The following CTCF variants were observed in gnomAD, a reference collection of about 807,000 sequenced individuals.
CTCF encodes CCCTC-binding factor.
Under a neutral mutation model 72.3 loss-of-function variants are expected in CTCF, and 7 were observed. The ratio of observed to expected loss-of-function variants is 0.10; its 90% CI spans 0.06 to 0.18. The LOEUF (loss-of-function observed/expected upper bound fraction) is 0.18, where lower values mean the gene tolerates loss of function less well. Among genes scored for constraint, CTCF ranks in the 10% least tolerant of loss-of-function variants. CTCF has a pLI of 1.00. For missense variants in CTCF, 516 were observed against 949.1 expected (o/e 0.54, Z 6.00); for synonymous variants, 374 against 315.8 (o/e 1.18, Z -1.95).
chr16:67,562,640 G>T lies in CTCF; in HGVS notation c.-211G>T. On this transcript the variant is annotated 5_prime_UTR_variant, in exon 1 of 12. Transcript: ENST00000264010. ...AGCGGCGGCGGCGGTGGCCGGTGCG[G>T]ACGCGCGGAGCTCGCCGGAGACGCC... is the stretch of plus-strand genomic sequence containing the variant. The T allele has an allele frequency of 6.5e-6, 1 of 153,120 alleles. No homozygotes were observed. Among genetic ancestry groups the T allele is most frequent in the South Asian group, 1.8e-4 (1 of 5,580 alleles). 9.5% of individuals were successfully genotyped at this position (153,120 alleles called of 1,614,324 possible). A position where few individuals can be genotyped will look rare whatever the true frequency, so the allele number is the denominator to read the frequency against.
intron 2 of CTCF, among the ~76,000 whole-genome samples, chr16:67,608,960 C>G (rs1176677796): frequency 2.0e-5 from 3 of 151,438 alleles, no homozygotes; most frequent in Non-Finnish European, 2.9e-5. Flanking sequence ...AGGGTGGTCT[C>G]GTACTCCCGA....
chr16:67,570,238 G>A (rs893999074), intron 1 of CTCF, among the ~76,000 whole-genome samples: 2 of 151,704 alleles, frequency 1.3e-5, no homozygotes. Flanking sequence ...CACCACACCC[G>A]GCTAATTTTT....
intron 1 of CTCF, among the ~76,000 whole-genome samples, chr16:67,566,356 T>G (rs2051342712): frequency 1.3e-5 from 2 of 151,028 alleles, no homozygotes; most frequent in African/African-American, 4.9e-5. Context: ...ACACAAAAAT[T>G]AGCTGAGCGT....
rs200004634 is a variant in CTCF, at chr16:67,621,608, G to A, written c.1357+17G>A. On this transcript the variant is annotated intron_variant, in intron 7 of 11. Coordinates refer to ENST00000264010, the MANE Select transcript of CTCF (RefSeq NM_006565.4). The stretch of plus-strand genomic sequence containing the variant: ...GTGATTTGGGTAAGTAGATTAACTA[G>A]TGAGAAGTGAAAAAAATATTTTGAA... 6.4e-6 allele frequency: 10 copies of A among 1,562,296 alleles called. No homozygotes were observed. Among genetic ancestry groups the A allele is most frequent in the South Asian group, 1.1e-5 (1 of 87,260 alleles).
chr16:67,568,087 T>C (rs904923225), intron 1 of CTCF: 2 of 151,296 alleles, frequency 1.3e-5, no homozygotes, highest in African/African-American at 4.9e-5. Flanking sequence ...CGTGTATATA[T>C]ATATATTTTT....
chr16:67,618,942 C>T (rs1331084369), intron 5 of CTCF, among the ~76,000 whole-genome samples: 1 of 152,132 alleles, frequency 6.6e-6, no homozygotes, highest in Non-Finnish European at 1.5e-5. Flanking sequence ...GAATGAGGGG[C>T]TTGTGCCATT....
At chr16:67,564,040 C>T (rs1198656279) in intron 1 of CTCF, 2 of 152,194 alleles carry the variant, frequency 1.3e-5, no homozygotes, top group Non-Finnish European at 2.9e-5. Context: ...CTTCCTGTAG[C>T]CCCGAGTTCA....
At chr16:67,579,626 C>G (rs191843438) in intron 2 of CTCF, among the ~76,000 whole-genome samples, 4 of 152,226 alleles carry the variant, frequency 2.6e-5, no homozygotes, top group South Asian at 2.1e-4. Flanking sequence ...CCCAATTGCC[C>G]TGGCCTCCCA....
chr16:67,573,687 C>G (rs954006147), intron 2 of CTCF, among the ~76,000 whole-genome samples: 5 of 151,696 alleles, frequency 3.3e-5, no homozygotes, highest in Admixed American at 1.3e-4. Flanking sequence ...GAAAAACTCT[C>G]AAGCCCAGGT....
chr16:67,616,394 G>A, intron 4 of CTCF: 1 of 196,770 alleles, frequency 5.1e-6, no homozygotes, highest in South Asian at 1.0e-4. Flanking sequence ...AGAGTTCTGG[G>A]ATTAGAGGCA....
At chr16:67,631,746 G>T (rs2052368834) in intron 10 of CTCF, among the ~76,000 whole-genome samples, 1 of 123,200 alleles carries the variant, frequency 8.1e-6, no homozygotes, top group African/African-American at 3.2e-5. Context: ...ATCTTCTTCA[G>T]TCACTGGGTG....
chr16:67,617,979 G>A (rs2052154923), intron 5 of CTCF, among the ~76,000 whole-genome samples: 2 of 152,208 alleles, frequency 1.3e-5, no homozygotes, highest in South Asian at 4.1e-4. Flanking sequence ...GGAAATTGCT[G>A]ATGTATATTA....
intron 7 of CTCF, among the ~76,000 whole-genome samples, chr16:67,622,342 C>G (rs1282896561): frequency 6.6e-6 from 1 of 150,624 alleles, no homozygotes; most frequent in Admixed American, 6.6e-5. Context: ...GGTGACAGAG[C>G]GCGACTCTGT....
intron 2 of CTCF, among the ~76,000 whole-genome samples, chr16:67,582,493 G>T (rs1252929454): frequency 6.6e-6 from 1 of 152,060 alleles, no homozygotes; most frequent in Non-Finnish European, 1.5e-5. Flanking sequence ...AGGAGTTTAA[G>T]ACCAGCTTGG....
intron 2 of CTCF, among the ~76,000 whole-genome samples, chr16:67,576,714 T>C (rs2051502769): frequency 6.6e-6 from 1 of 152,048 alleles, no homozygotes; most frequent in Non-Finnish European, 1.5e-5. Flanking sequence ...GTGTTTTTAG[T>C]AGAGATGGGG....
chr16:67,591,130 G>A (rs1422410666), intron 2 of CTCF, among the ~76,000 whole-genome samples: 1 of 151,210 alleles, frequency 6.6e-6, no homozygotes, highest in South Asian at 2.1e-4. Context: ...CCATCTCTAC[G>A]AAAAATACAA....
intron 2 of CTCF, among the ~76,000 whole-genome samples, chr16:67,601,690 T>C (rs898875764): frequency 1.3e-5 from 2 of 152,116 alleles, no homozygotes; most frequent in Non-Finnish European, 2.9e-5. Flanking sequence ...GAGTAGATGC[T>C]GTTGTTTTGT....
intron 2 of CTCF, among the ~76,000 whole-genome samples, chr16:67,582,309 TC>T (rs1475728503): frequency 6.6e-6 from 1 of 152,194 alleles, no homozygotes; most frequent in South Asian, 2.1e-4. Flanking sequence ...TCTGAACTGT[TC>T]CTTTGGGCAT....
chr16:67,633,781 GAC>G (rs10587869), intron 10 of CTCF, among the ~76,000 whole-genome samples: 19,326 of 142,612 alleles, frequency 0.14, 1,535 homozygotes, highest in African/African-American at 0.24. Flanking sequence ...CTTGTCCCCT[GAC>G]ACACACACAC....
Sources: allele counts gnomAD v4.1 joint callset (sites outside exome capture counted in the v4.1 genomes callset), GRCh38; gene constraint gnomAD v4.1.1; transcripts MANE v1.5; gene names NCBI Gene and HGNC (gene_info 2026-07-23, HGNC 2026-07-21).